Variants in SREK1 observed in about 807,000 individuals in gnomAD.
SREK1 encodes the protein splicing regulatory glutamine/lysine-rich protein 1.
In SREK1, 13 loss-of-function variants were observed where a neutral mutation model predicts 66.5. That is an observed-to-expected ratio of 0.20 (90% CI 0.13 to 0.31). The LOEUF is 0.31. Among genes scored for constraint, SREK1 ranks in the 10% least tolerant of loss-of-function variants. The probability of loss-of-function intolerance (pLI) is 1.00; values close to 1 mark genes in which losing one functional copy is unlikely to be tolerated. For missense variants in SREK1, 607 were observed against 769.6 expected (o/e 0.79, Z 2.50); for synonymous variants, 265 against 263.5 (o/e 1.01, Z -0.05).
chr5:66,172,177 C>T (rs888043098), intron 9 of SREK1, among the ~76,000 whole-genome samples: 7 of 152,170 alleles, frequency 4.6e-5, no homozygotes, highest in African/African-American at 1.7e-4. Context: ...GTAACCACAC[C>T]TTTACTGCAA....
At chr5:66,169,190 T>G (rs1745412757) in intron 7 of SREK1, 1 of 152,236 alleles carries the variant, frequency 6.6e-6, no homozygotes, top group Non-Finnish European at 1.5e-5. Flanking sequence ...ACTTTTTCAG[T>G]GAGAAAGGGG....
rs769506805 is a variant in SREK1 at position 66,170,666 on chromosome 5, G to GGAAAAGGAACGT, written c.1209_1220dup (p.Arg405_Glu408dup). ...AAGACAGGGAAAAGGAGAGAGAGAG[G>GGAAAAGGAACGT]GAAAAGGAACGTGAAAAAGAAAAGG... On this transcript the variant is annotated inframe_insertion, in exon 9 of 12. Coordinates refer to ENST00000334121, the MANE Select transcript of SREK1 (RefSeq NM_001077199.3). The GGAAAAGGAACGT allele has an allele frequency of 6.2e-6, 10 of 1,612,328 alleles. No homozygotes were observed. In the South Asian group the frequency reaches 7.7e-5, roughly 12 times the overall value.
intron 7 of SREK1, chr5:66,166,971 G>A (rs1283843878): frequency 2.6e-5 from 4 of 152,164 alleles, no homozygotes; most frequent in South Asian, 2.1e-4. Context: ...CAGAAATCAG[G>A]AAGGGAATGA....
rs1429510020 is a variant in SREK1 at position 66,180,284 on chromosome 5, T to C, written c.*1416T>C. The C allele has an allele frequency of 6.6e-6, 1 of 152,594 alleles. No homozygotes were observed. Among genetic ancestry groups the C allele is most frequent in the African/African-American group, 2.4e-5 (1 of 41,462 alleles). The allele number at this position is 152,594 out of a possible 1,614,324, so 9.5% of individuals were successfully genotyped here. A position where few individuals can be genotyped will look rare whatever the true frequency, so the allele number is the denominator to read the frequency against. On this transcript the variant is annotated 3_prime_UTR_variant, in exon 12 of 12. Coordinates refer to ENST00000334121, the MANE Select transcript of SREK1 (RefSeq NM_001077199.3). The stretch of plus-strand genomic sequence containing the variant: ...GTACTATAACTTGTGGTTTCTGAAC[T>C]CATTATTGTTGTATTTCCAAAAAAG...
chr5:66,172,144 C>T (rs1745693287), intron 9 of SREK1, among the ~76,000 whole-genome samples: 5 of 152,178 alleles, frequency 3.3e-5, no homozygotes, highest in African/African-American at 1.2e-4. Flanking sequence ...ACCTCCTTTG[C>T]TGTGGGTACT....
rs1468735159 is a variant in SREK1, at chr5:66,179,970, G to C, written c.*1102G>C. The C allele has an allele frequency of 2.6e-5, 4 of 152,506 alleles. No homozygotes were observed. The highest frequency in any genetic ancestry group is 4.4e-5 in the Non-Finnish European group (3 of 67,982). 9.4% of individuals were successfully genotyped at this position (152,506 alleles called of 1,614,324 possible). On this transcript the variant is annotated 3_prime_UTR_variant, in exon 12 of 12. Transcript: ENST00000334121. ...GAGTCATGCAGCTTTGGGACCATCA[G>C]TTTTATACTGTGATAATTGAAAATG... is the stretch of plus-strand genomic sequence containing the variant.
At chr5:66,173,970 T>C (rs887405875) in intron 9 of SREK1, among the ~76,000 whole-genome samples, 5 of 152,160 alleles carry the variant, frequency 3.3e-5, no homozygotes, top group Admixed American at 2.6e-4. Flanking sequence ...TTAATACATA[T>C]TATATATACC....
At chr5:66,160,554 A>G (rs534826652) in intron 3 of SREK1, among the ~76,000 whole-genome samples, 81 of 152,278 alleles carry the variant, frequency 5.3e-4, no homozygotes, top group Non-Finnish European at 1.0e-3. Flanking sequence ...GATAGATAGG[A>G]CACAGATTAT....
intron 5 of SREK1, 80 bp from the exon 6 acceptor site, chr5:66,163,712 T>TA: frequency 7.0e-7 from 1 of 1,435,140 alleles, no homozygotes; most frequent in Non-Finnish European, 9.4e-7. Flanking sequence ...CGTTTATAAA[T>TA]ATGTGTATCA....
intron 3 of SREK1, among the ~76,000 whole-genome samples, chr5:66,160,025 G>T (rs2031177588): frequency 6.6e-6 from 1 of 152,128 alleles, no homozygotes; most frequent in African/African-American, 2.4e-5. Context: ...AGCTGCTCGG[G>T]AGGCCGAGGC....
chr5:66,157,686 CTG>C (rs1369471581), intron 2 of SREK1: 1 of 962,392 alleles, frequency 1.0e-6, no homozygotes, highest in Non-Finnish European at 1.2e-6. Context: ...GTTAAGAAAT[CTG>C]TTCTCCAGAA....
In SREK1 at chr5:66,179,267, CT is replaced by C. The variant is rs60627043; in HGVS notation, c.*409del. 300 of 150,718 alleles carry C rather than the reference CT, an allele frequency of 2.0e-3. 1 individual carries two copies. The highest frequency in any genetic ancestry group is 5.4e-3 in the African/African-American group (220 of 40,584). 9.3% of individuals were successfully genotyped at this position (150,718 alleles called of 1,614,324 possible). ...AGTTACTGAATTTTGTATTGTTTTA[CT>C]TTTTTTTTTATTTCAATATATACAG... On this transcript the variant is annotated 3_prime_UTR_variant, in exon 12 of 12. Coordinates refer to ENST00000334121, the MANE Select transcript of SREK1 (RefSeq NM_001077199.3).
chr5:66,149,063 A>C (rs1743523236), intron 1 of SREK1, among the ~76,000 whole-genome samples: 2 of 152,216 alleles, frequency 1.3e-5, no homozygotes, highest in African/African-American at 4.8e-5. Context: ...AATGAAGATT[A>C]AGAAAATTGG....
In SREK1 at chr5:66,163,702, C is replaced by T. The variant is rs924395342; in HGVS notation, c.756-90C>T. 1.1e-4 allele frequency: 156 copies of T among 1,361,852 alleles called. 1 individual carries two copies. Among genetic ancestry groups the T allele is most frequent in the African/African-American group, 4.4e-5 (3 of 67,950 alleles). The allele number at this position is 1,361,852 out of a possible 1,614,324, so 84.4% of individuals were successfully genotyped here. On this transcript the variant is annotated intron_variant, in intron 5 of 11. Transcript: ENST00000334121. ...CTTACGTGCTTCTGAGATGTCCTCA[C>T]GTTTATAAATATGTGTATCATATAA...
intron 11 of SREK1, among the ~76,000 whole-genome samples, chr5:66,177,939 T>C (rs1387551322): frequency 3.3e-5 from 5 of 152,108 alleles, no homozygotes; most frequent in South Asian, 2.1e-4. Context: ...TTTATGTAGA[T>C]AGGATTTCTG....
intron 1 of SREK1, among the ~76,000 whole-genome samples, chr5:66,151,400 T>C (rs991575844): frequency 2.0e-5 from 3 of 152,212 alleles, no homozygotes; most frequent in African/African-American, 7.2e-5. Context: ...TTTTATTGTG[T>C]ACCTAGAAAG....
In SREK1 at chr5:66,177,590, T is replaced by C; in HGVS notation, c.1657T>C (p.Ser553Pro). 1.2e-6 allele frequency: 2 copies of C among 1,611,224 alleles called. No individual in the cohort carries two copies. The highest frequency in any genetic ancestry group is 4.5e-5 in the East Asian group (2 of 44,746). Residue 553 changes from serine (S) to proline (P), a missense_variant, in exon 11 of 12, where the codon TCT becomes CCT. Physicochemically the swap from Ser to Pro is moderately conservative, Grantham distance 74. Transcript: ENST00000334121. Reference protein sequence around the residue: ...SERRERERSTSMRKSSNDRDG... With the variant: ...SERRERERSTPMRKSSNDRDG... ...AAGAAGAGAGAGAGAACGTTCAACG[T>C]CTATGAGAAAGAGTTCTAATGATAG... is the stretch of plus-strand genomic sequence containing the variant.
rs1316520300 is a variant in SREK1, at chr5:66,170,870, A to G, written c.1407A>G (p.Glu469=). The stretch of plus-strand genomic sequence containing the variant: ...AAGACAGATCCAAAGAGATAGATGA[A>G]AAAAGAAAGAAGGATAAAAAATCCA... ...REKDRSKEID[E]KRKKDKKSRT... Residue 469 remains glutamate, a synonymous_variant, in exon 9 of 12, where the codon GAA becomes GAG. Transcript: ENST00000334121. 4.3e-6 allele frequency: 7 copies of G among 1,613,748 alleles called. No homozygotes were observed. The highest frequency in any genetic ancestry group is 5.1e-6 in the Non-Finnish European group (6 of 1,179,950).
chr5:66,176,197 AG>A (rs1746039317), intron 10 of SREK1, among the ~76,000 whole-genome samples: 1 of 152,040 alleles, frequency 6.6e-6, no homozygotes, highest in Non-Finnish European at 1.5e-5. Context: ...TTCTAACATT[AG>A]TTTGATATGT....
Sources: gnomAD v4.1 joint callset for allele counts (sites outside exome capture counted in the v4.1 genomes callset) on GRCh38, gnomAD v4.1.1 for gene constraint, MANE v1.5 for transcripts, NCBI Gene and HGNC (gene_info 2026-07-23, HGNC 2026-07-21) for gene names.